ACTN1: variants seen among roughly 807,000 people sequenced by gnomAD.
The protein encoded by ACTN1 is actinin alpha 1.
ACTN1 carries 30 observed loss-of-function variants against 119.6 expected under a neutral mutation model. The observed-to-expected ratio is 0.25, with a 90% CI of 0.19 to 0.34. The LOEUF is 0.34. Among genes scored for constraint, ACTN1 ranks in the 10% least tolerant of loss-of-function variants. The pLI is 1.00. For missense variants in ACTN1, 764 were observed against 1,223.4 expected (o/e 0.62, Z 5.60); for synonymous variants, 429 against 472.6 (o/e 0.91, Z 1.20).
intron 1 of ACTN1, chr14:68,936,727 T>C (rs1489681568): frequency 1.6e-6 from 1 of 636,744 alleles, no homozygotes; most frequent in Non-Finnish European, 3.0e-6. Flanking sequence ...AAAGCCTATG[T>C]TGTCCTTGGC....
intron 8 of ACTN1, among the ~76,000 whole-genome samples, chr14:68,897,525 T>G (rs2032966723): frequency 6.6e-6 from 1 of 152,218 alleles, no homozygotes; most frequent in Admixed American, 6.5e-5. Context: ...AGAGAGGAAC[T>G]GTCCTCAAGG....
intron 1 of ACTN1, among the ~76,000 whole-genome samples, chr14:68,952,614 C>A (rs1391608432): frequency 4.0e-5 from 6 of 151,828 alleles, no homozygotes; most frequent in Non-Finnish European, 1.5e-5. Flanking sequence ...CCCATCCCTG[C>A]TGGATTTTAA....
chr14:68,882,711 G>C lies in ACTN1; in HGVS notation c.1819-119C>G. ...GGTCAGTAACAGAACAGGAGTAAAG[G>C]TGTCAACCTGTTCTGGAAACCCAGT... On this transcript the variant is annotated intron_variant, in intron 15 of 21. Coordinates refer to ENST00000394419, the MANE Select transcript of ACTN1 (RefSeq NM_001130004.2). The surrounding 1 kb of genome is among the most constrained non-coding windows in gnomAD (Gnocchi z 4.5). The C allele has an allele frequency of 6.6e-7, 1 of 1,517,276 alleles. No individual in the cohort carries two copies. The allele number at this position is 1,517,276 out of a possible 1,614,324, so 94.0% of individuals were successfully genotyped here.
intron 8 of ACTN1, among the ~76,000 whole-genome samples, chr14:68,898,036 C>T (rs1340068995): frequency 6.6e-6 from 1 of 152,254 alleles, no homozygotes. Context: ...TCAAGAAAAC[C>T]TTGGTGGCCG....
chr14:68,957,111 C>T (rs1466229823), intron 1 of ACTN1, among the ~76,000 whole-genome samples: 3 of 152,204 alleles, frequency 2.0e-5, no homozygotes, highest in Non-Finnish European at 4.4e-5. Context: ...TCATCCACAG[C>T]CCCTGGAAAT....
chr14:68,884,145 C>A (rs753104143), intron 14 of ACTN1, 23 bp downstream of exon 14: 1 of 1,601,446 alleles, frequency 6.2e-7, no homozygotes, highest in Non-Finnish European at 8.5e-7. Flanking sequence ...AGCCAGCCTC[C>A]GGGGAGTGGA....
In ACTN1 at chr14:68,881,936, C is replaced by CTTTTTT. The variant is rs781067137; in HGVS notation, c.1953+516_1953+521dup. Among the ~76,000 whole-genome samples, 285 of 58,388 alleles carry CTTTTTT rather than the reference C, an allele frequency of 4.9e-3. 17 individuals are homozygous for CTTTTTT. The highest frequency in any genetic ancestry group is 6.4e-3 in the Non-Finnish European group (211 of 33,048). 38.3% of individuals were successfully genotyped at this position (58,388 alleles called of 152,430 possible). A position where few individuals can be genotyped will look rare whatever the true frequency, so the allele number is the denominator to read the frequency against. ...AGTATGGGACTTTCATAGGCAGCTT[C>CTTTTTT]TTTTTTTTTTTTTTTTTTTGACAGA... On this transcript the variant is annotated intron_variant, in intron 16 of 21. Transcript: ENST00000394419.
chr14:68,946,929 C>T (rs993587613), intron 1 of ACTN1, among the ~76,000 whole-genome samples: 2 of 152,226 alleles, frequency 1.3e-5, no homozygotes, highest in Non-Finnish European at 2.9e-5. Context: ...CCACAAGGAG[C>T]TCAGGGCCTC....
At chr14:68,923,364 C>T (rs1350343877) in intron 2 of ACTN1, among the ~76,000 whole-genome samples, 2 of 152,152 alleles carry the variant, frequency 1.3e-5, no homozygotes, top group Admixed American at 1.3e-4. Flanking sequence ...GCGGGCAGGG[C>T]ACAGTCCACT....
At chr14:68,940,225 A>G (rs2035718008) in intron 1 of ACTN1, among the ~76,000 whole-genome samples, 1 of 152,110 alleles carries the variant, frequency 6.6e-6, no homozygotes. Flanking sequence ...TCCTTCCCCA[A>G]AGAAGGAAAA....
chr14:68,899,117 CACA>C (rs1241580681), intron 8 of ACTN1, among the ~76,000 whole-genome samples: 96 of 145,014 alleles, frequency 6.6e-4, no homozygotes, highest in African/African-American at 2.3e-3. Flanking sequence ...CCCTCCACAC[CACA>C]ACCACACCAC....
At position 68,879,139 on chromosome 14, in the gene ACTN1, C is replaced by G; in HGVS notation, c.2281-70G>C. On this transcript the variant is annotated intron_variant, in intron 18 of 21. Coordinates refer to ENST00000394419, the MANE Select transcript of ACTN1 (RefSeq NM_001130004.2). This position sits in a 1 kb window ranked among gnomAD's most constrained non-coding sequence, Gnocchi z 4.9. The stretch of plus-strand genomic sequence containing the variant: ...AGGTGGAGCCGTGAGGGGGGCATGC[C>G]CCGGGGGAGGGTGGCGTGTGTGGGG... 2.6e-6 allele frequency: 3 copies of G among 1,156,088 alleles called. No individual in the cohort carries two copies. In the South Asian group the frequency reaches 4.8e-5, roughly 18 times the overall value. 71.6% of individuals were successfully genotyped at this position (1,156,088 alleles called of 1,614,324 possible).
intron 1 of ACTN1, chr14:68,936,533 A>T: frequency 3.2e-6 from 1 of 314,748 alleles, no homozygotes. Context: ...AAATAAAAGA[A>T]CAGTCTGTCT....
In ACTN1 at chr14:68,968,459, G is replaced by A. The variant is rs149511257; in HGVS notation, c.105+10493C>T. Among the ~76,000 whole-genome samples, 945 of 151,902 alleles carry A rather than the reference G, an allele frequency of 6.2e-3. 5 individuals are homozygous for A. Among genetic ancestry groups the A allele is most frequent in the Middle Eastern group, 0.01 (3 of 292 alleles). ...CAAAAGGAGCAATGAACAGAGTGAT[G>A]CATTGGGTATGACCCCATCTACACA... On this transcript the variant is annotated intron_variant, in intron 1 of 21. Coordinates refer to ENST00000394419, the MANE Select transcript of ACTN1 (RefSeq NM_001130004.2).
rs193131602 is a variant in ACTN1 at position 68,931,809 on chromosome 14, T to C, written c.106-6137A>G. Among the ~76,000 whole-genome samples, 286 of 152,214 alleles carry C rather than the reference T, an allele frequency of 1.9e-3. 1 individual carries two copies. The highest frequency in any genetic ancestry group is 6.5e-3 in the African/African-American group (271 of 41,544). On this transcript the variant is annotated intron_variant, in intron 1 of 21. Transcript: ENST00000394419. Reference sequence around the variant, plus strand: ...AAGGACAGAAAGTTTCAGGGAAGATTAGAGTTCAACATAATAAAGAACAGA... The same window carrying C: ...AAGGACAGAAAGTTTCAGGGAAGATCAGAGTTCAACATAATAAAGAACAGA...
intron 1 of ACTN1, among the ~76,000 whole-genome samples, chr14:68,958,001 G>A (rs972299328): frequency 9.2e-5 from 14 of 152,148 alleles, no homozygotes; most frequent in African/African-American, 3.1e-4. Flanking sequence ...GTCAGATCTG[G>A]GCAAAACTTT....
chr14:68,977,693 C>T (rs2037106396), intron 1 of ACTN1: 1 of 308,894 alleles, frequency 3.2e-6, no homozygotes. Flanking sequence ...TATAAACTAC[C>T]CCCCTTTTAA....
intron 8 of ACTN1, among the ~76,000 whole-genome samples, chr14:68,899,438 A>G (rs1473724098): frequency 1.6e-5 from 2 of 128,438 alleles, no homozygotes; most frequent in Non-Finnish European, 3.3e-5. Context: ...CACACCCCCC[A>G]GACACACACC....
In ACTN1 at chr14:68,902,577, C is replaced by T. The variant is rs778017263; in HGVS notation, c.677-15G>A. 2 of 1,612,664 alleles carry T rather than the reference C, an allele frequency of 1.2e-6. No individual in the cohort carries two copies. The highest frequency in any genetic ancestry group is 8.5e-7 in the Non-Finnish European group (1 of 1,178,974). On this transcript the variant is annotated splice_polypyrimidine_tract_variant and intron_variant, in intron 7 of 21. Transcript: ENST00000394419. ...TCCAACGATGTCTGTCAAGAAAAAT[C>T]TGGAGTTAAAGCCAGCTGGTTCCAA...
Sources: allele counts gnomAD v4.1 joint callset (sites outside exome capture counted in the v4.1 genomes callset), GRCh38; gene constraint gnomAD v4.1.1; non-coding constraint Gnocchi (gnomAD v3.1); transcripts MANE v1.5; gene names NCBI Gene and HGNC (gene_info 2026-07-23, HGNC 2026-07-21).